MAD1L1: variants seen among roughly 807,000 people sequenced by gnomAD.
MAD1L1 encodes mitotic arrest deficient 1 like 1.
MAD1L1 carries 95 observed loss-of-function variants against 96.9 expected under a neutral mutation model. The observed-to-expected ratio is 0.98, with a 90% CI of 0.83 to 1.16. The LOEUF is 1.16. MAD1L1 is among the 50% of genes most tolerant of loss of function. MAD1L1 has a pLI of 0.00. For missense variants in MAD1L1, 1,007 were observed against 954.4 expected, an observed-to-expected ratio of 1.06 and a Z score of -0.73; for synonymous variants, 473 against 396.6, an observed-to-expected ratio of 1.19 and a Z score of -2.29.
chr7:2,045,918 T>C (rs7801349), intron 12 of MAD1L1, among the ~76,000 whole-genome samples: 54,677 of 152,076 alleles, frequency 0.36, 10,875 homozygotes, highest in African/African-American at 0.53. Context: ...GCCATCATCT[T>C]TAGGAGACAT....
intron 10 of MAD1L1, among the ~76,000 whole-genome samples, chr7:2,155,759 G>C (rs1789802115): frequency 6.6e-6 from 1 of 152,182 alleles, no homozygotes. Flanking sequence ...ATGCTGCTAG[G>C]AACATGGGTG....
At chr7:2,169,860 G>A (rs76251029) in intron 10 of MAD1L1, among the ~76,000 whole-genome samples, 6 of 93,406 alleles carry the variant, frequency 6.4e-5, no homozygotes, top group African/African-American at 3.1e-4. Context: ...CTCGGAGCAG[G>A]GGCTGGACCA....
chr7:2,015,679 G>T (rs1782506249), intron 12 of MAD1L1, among the ~76,000 whole-genome samples: 1 of 152,224 alleles, frequency 6.6e-6, no homozygotes, highest in Non-Finnish European at 1.5e-5. Flanking sequence ...CAGATTCCAG[G>T]CGCAGGCTGG....
At chr7:2,141,981 G>A (rs1458095961) in intron 11 of MAD1L1, among the ~76,000 whole-genome samples, 2 of 152,232 alleles carry the variant, frequency 1.3e-5, no homozygotes, top group Non-Finnish European at 2.9e-5. Flanking sequence ...CCAGCAGGTG[G>A]ACCGCACAGC....
chr7:2,224,290 CAGTAGTTA>C (rs1238119824), intron 4 of MAD1L1, among the ~76,000 whole-genome samples: 1 of 152,162 alleles, frequency 6.6e-6, no homozygotes, highest in East Asian at 1.9e-4. Context: ...AAGGGAATCT[CAGTAGTTA>C]GGGAGACTCC....
intron 17 of MAD1L1, among the ~76,000 whole-genome samples, chr7:1,900,484 G>C (rs542766280): frequency 6.6e-6 from 1 of 152,114 alleles, no homozygotes; most frequent in African/African-American, 2.4e-5. Flanking sequence ...GTTATTCCAC[G>C]GCCCAGCCCC....
chr7:2,161,331 T>C (rs1038606972), intron 10 of MAD1L1, among the ~76,000 whole-genome samples: 4 of 151,980 alleles, frequency 2.6e-5, no homozygotes, highest in African/African-American at 9.7e-5. Flanking sequence ...TGGTCTCAGC[T>C]CCTGACCGCG....
intron 11 of MAD1L1, among the ~76,000 whole-genome samples, chr7:2,086,867 T>C (rs1785945259): frequency 6.6e-6 from 1 of 152,198 alleles, no homozygotes; most frequent in Non-Finnish European, 1.5e-5. Flanking sequence ...ATTGCTGTTA[T>C]CTTCTGCGAC....
intron 11 of MAD1L1, among the ~76,000 whole-genome samples, chr7:2,083,355 C>CAGT (rs1259298186): frequency 1.3e-5 from 2 of 152,164 alleles, no homozygotes; most frequent in Non-Finnish European, 2.9e-5. Flanking sequence ...CAGCTCTAAG[C>CAGT]AGTTTATTTC....
intron 12 of MAD1L1, among the ~76,000 whole-genome samples, chr7:2,065,287 C>T (rs1436240269): frequency 6.6e-6 from 1 of 152,158 alleles, no homozygotes; most frequent in Non-Finnish European, 1.5e-5. Context: ...CCAGCGAATA[C>T]AGACACCAGC....
At chr7:2,062,562 G>A (rs1260246332) in intron 12 of MAD1L1, among the ~76,000 whole-genome samples, 1 of 152,044 alleles carries the variant, frequency 6.6e-6, no homozygotes, top group Non-Finnish European at 1.5e-5. Context: ...GCAACAAAGA[G>A]AGACTCTGTC....
intron 11 of MAD1L1, among the ~76,000 whole-genome samples, chr7:2,090,917 G>A (rs1300308492): frequency 6.6e-6 from 1 of 152,212 alleles, no homozygotes; most frequent in Non-Finnish European, 1.5e-5. Flanking sequence ...CTTGAGGGCA[G>A]AGAACTACAT....
intron 12 of MAD1L1, among the ~76,000 whole-genome samples, chr7:2,028,424 CAAAA>C (rs56189973): frequency 2.5e-3 from 219 of 86,138 alleles, no homozygotes; most frequent in Non-Finnish European, 4.0e-3. Context: ...GACTCCATCT[CAAAA>C]AAAAAAAAAA....
intron 11 of MAD1L1, among the ~76,000 whole-genome samples, chr7:2,099,177 C>T (rs563395516): frequency 2.6e-4 from 40 of 152,326 alleles, no homozygotes; most frequent in African/African-American, 8.9e-4. Context: ...CCCCAACGCA[C>T]CGCTAACACT....
At chr7:2,128,489 T>C (rs1437311785) in intron 11 of MAD1L1, among the ~76,000 whole-genome samples, 5 of 152,132 alleles carry the variant, frequency 3.3e-5, no homozygotes, top group African/African-American at 9.7e-5. Context: ...TTCTGGAAGA[T>C]GGCCGTTCAG....
intron 17 of MAD1L1, among the ~76,000 whole-genome samples, chr7:1,910,423 G>A (rs1007169226): frequency 3.9e-5 from 6 of 152,228 alleles, no homozygotes; most frequent in East Asian, 1.9e-4. Context: ...GCAGCCGTCC[G>A]ACGCGTCAGC....
chr7:1,966,248 A>G (rs939956954), intron 15 of MAD1L1, among the ~76,000 whole-genome samples: 6 of 152,186 alleles, frequency 3.9e-5, no homozygotes, highest in African/African-American at 1.4e-4. Context: ...AAACACTCTC[A>G]TTTCTCACAG....
intron 1 of MAD1L1, among the ~76,000 whole-genome samples, chr7:2,231,465 G>C (rs1340653368): frequency 6.6e-6 from 1 of 152,048 alleles, no homozygotes; most frequent in East Asian, 1.9e-4. Flanking sequence ...ACTAAAGCCA[G>C]ATGTGGTGGC....
chr7:2,175,932 T>C (rs1291864587), intron 10 of MAD1L1, among the ~76,000 whole-genome samples: 2 of 152,216 alleles, frequency 1.3e-5, no homozygotes, highest in African/African-American at 4.8e-5. Context: ...CTAATAAAGT[T>C]GCAGACATCT....
Sources: allele counts gnomAD v4.1 joint callset (sites outside exome capture counted in the v4.1 genomes callset), GRCh38; gene constraint gnomAD v4.1.1; transcripts MANE v1.5; gene names NCBI Gene and HGNC (gene_info 2026-07-23, HGNC 2026-07-21).